The following ADAMTSL1 variants were observed in gnomAD, a reference collection of about 807,000 sequenced individuals.
ADAMTSL1 encodes the protein ADAMTS-like protein 1.
Under a neutral mutation model 201.8 loss-of-function variants are expected in ADAMTSL1, and 126 were observed. The observed-to-expected ratio is 0.62, with a 90% CI of 0.54 to 0.72. ADAMTSL1 has a LOEUF of 0.72. Among genes scored for constraint, ADAMTSL1 ranks in the 30% least tolerant of loss-of-function variants. ADAMTSL1 has a pLI of 0.00. For missense variants in ADAMTSL1, 2,679 were observed against 2,277.8 expected, an observed-to-expected ratio of 1.18 and a Z score of -3.59; for synonymous variants, 1,121 against 903.4, an observed-to-expected ratio of 1.24 and a Z score of -4.32.
chr9:18,108,278 G>A (rs1311426141), intron 1 of ADAMTSL1, among the ~76,000 whole-genome samples: 2 of 147,046 alleles, frequency 1.4e-5, no homozygotes, highest in Admixed American at 1.4e-4. Context: ...ATGGCTCACA[G>A]CAGCCCCAAC....
At chr9:18,103,702 CAT>C (rs1564002258) in intron 1 of ADAMTSL1, among the ~76,000 whole-genome samples, 1 of 152,134 alleles carries the variant, frequency 6.6e-6, no homozygotes, top group Non-Finnish European at 1.5e-5. Flanking sequence ...TGTTGTATGT[CAT>C]ATGAGGAATT....
At chr9:17,946,055 T>A (rs1827457619) in intron 1 of ADAMTSL1, among the ~76,000 whole-genome samples, 1 of 111,824 alleles carries the variant, frequency 8.9e-6, no homozygotes, top group South Asian at 3.5e-4. Context: ...GCTCATGATG[T>A]GTATGTGTGT....
At chr9:18,016,477 G>T (rs565751315) in intron 1 of ADAMTSL1, among the ~76,000 whole-genome samples, 1 of 151,940 alleles carries the variant, frequency 6.6e-6, no homozygotes, top group African/African-American at 2.4e-5. Context: ...ACAGAACAGA[G>T]TCCTGTAAGT....
At chr9:18,610,519 A>G (rs1216686229) in intron 4 of ADAMTSL1, among the ~76,000 whole-genome samples, 1 of 152,212 alleles carries the variant, frequency 6.6e-6, no homozygotes, top group East Asian at 1.9e-4. Flanking sequence ...GCAGTAGAGA[A>G]CCAGGAAGGA....
In ADAMTSL1 at chr9:18,634,268, A is replaced by T. The variant is rs141418546; in HGVS notation, c.602-1675A>T. ...ATAATTATGTACACTGTTAAAAAAA[A>T]ATATGTCTGAACAGGCCAGGTGCAG... is the stretch of plus-strand genomic sequence containing the variant. On this transcript the variant is annotated intron_variant, in intron 5 of 28. Transcript: ENST00000380548. 1.9e-3 allele frequency among the ~76,000 whole-genome samples: 284 copies of T among 152,254 alleles called. 2 individuals are homozygous for T. Among genetic ancestry groups the T allele is most frequent in the East Asian group, 0.018 (93 of 5,174 alleles).
intron 20 of ADAMTSL1, among the ~76,000 whole-genome samples, chr9:18,815,272 C>T (rs1159279581): frequency 6.6e-6 from 1 of 151,884 alleles, no homozygotes; most frequent in Non-Finnish European, 1.5e-5. Context: ...TTTACTGCAG[C>T]ACTATTCACA....
intron 19 of ADAMTSL1, among the ~76,000 whole-genome samples, chr9:18,789,956 G>A (rs114565139): frequency 0.012 from 1,874 of 152,252 alleles, 31 homozygotes; most frequent in African/African-American, 0.037. Context: ...TTAGGAAAGC[G>A]TACCAGTCAG....
chr9:18,182,459 C>G (rs192210112), intron 2 of ADAMTSL1, among the ~76,000 whole-genome samples: 269 of 152,212 alleles, frequency 1.8e-3, no homozygotes, highest in African/African-American at 5.8e-3. Flanking sequence ...AAACTTTATT[C>G]TCTAGAATAT....
intron 1 of ADAMTSL1, among the ~76,000 whole-genome samples, chr9:18,159,326 A>G (rs1827288970): frequency 1.3e-5 from 2 of 152,010 alleles, no homozygotes; most frequent in Admixed American, 1.3e-4. Context: ...ATGAGACATG[A>G]GCTTGGCTAT....
chr9:18,407,995 A>G (rs1321947929), intron 2 of ADAMTSL1, among the ~76,000 whole-genome samples: 2 of 152,214 alleles, frequency 1.3e-5, no homozygotes, highest in East Asian at 3.8e-4. Context: ...ACATACATAT[A>G]CTACATATAT....
intron 3 of ADAMTSL1, among the ~76,000 whole-genome samples, chr9:18,552,838 C>G (rs1233623229): frequency 6.6e-6 from 1 of 151,556 alleles, no homozygotes; most frequent in Admixed American, 6.6e-5. Flanking sequence ...AAATATTCAC[C>G]TTTCATTTGA....
chr9:17,939,889 G>T (rs892670873), intron 1 of ADAMTSL1, among the ~76,000 whole-genome samples: 4 of 152,160 alleles, frequency 2.6e-5, no homozygotes, highest in African/African-American at 7.2e-5. Context: ...GGGAGCAAAA[G>T]AGTCAGTTAA....
At chr9:17,987,298 G>A (rs1047607058) in intron 1 of ADAMTSL1, among the ~76,000 whole-genome samples, 25 of 152,054 alleles carry the variant, frequency 1.6e-4, no homozygotes, top group Admixed American at 5.9e-4. Context: ...TAAGCACCAC[G>A]TTGTAATTAC....
At chr9:17,953,580 G>T (rs909052622) in intron 1 of ADAMTSL1, among the ~76,000 whole-genome samples, 18 of 152,126 alleles carry the variant, frequency 1.2e-4, no homozygotes, top group African/African-American at 4.3e-4. Flanking sequence ...ATCACTATGG[G>T]ACTGGTTTAA....
At chr9:18,179,943 G>A (rs996748961) in intron 2 of ADAMTSL1, among the ~76,000 whole-genome samples, 36 of 151,868 alleles carry the variant, frequency 2.4e-4, no homozygotes, top group Admixed American at 5.3e-4. Context: ...AAAGACCATC[G>A]AGACTAGGAA....
chr9:18,472,741 A>T (rs1821266619), upstream of ADAMTSL1, among the ~76,000 whole-genome samples: 1 of 152,208 alleles, frequency 6.6e-6, no homozygotes, highest in South Asian at 2.1e-4. Context: ...GAAAGGAAAG[A>T]ACATTAATTC....
chr9:18,605,076 G>C (rs572428022), intron 4 of ADAMTSL1, among the ~76,000 whole-genome samples: 1 of 152,248 alleles, frequency 6.6e-6, no homozygotes, highest in Admixed American at 6.5e-5. Context: ...CAAATGTTCG[G>C]CCATGGAACT....
Position 18,623,169 on chromosome 9 carries a change from A to T in ADAMTSL1, c.601+800A>T, listed in dbSNP as rs553427503. Among the ~76,000 whole-genome samples, 80 of 152,198 alleles carry T rather than the reference A, an allele frequency of 5.3e-4. 1 individual carries two copies. In the South Asian group the frequency reaches 8.7e-3, roughly 17 times the overall value. On this transcript the variant is annotated intron_variant, in intron 5 of 28. Transcript: ENST00000380548. ...CCTCAGCCCCCCAAAGTGAGGGATT[A>T]CAGGCATGAGCCACTGTGCCCAGCC...
chr9:17,989,474 A>G lies in ADAMTSL1; in HGVS notation c.87+82552A>G, dbSNP rs144522461. 5.7e-3 allele frequency among the ~76,000 whole-genome samples: 869 copies of G among 152,142 alleles called. 10 individuals are homozygous for G. The highest frequency in any genetic ancestry group is 0.02 in the African/African-American group (826 of 41,572). On this transcript the variant is annotated intron_variant, in intron 1 of 29. Coordinates refer to the ADAMTSL1 transcript ENST00000680146. Reference sequence around the variant, plus strand: ...TTAAAAAATCACTGCATTGATAAAAAAATCAATTAGAAAGTCACTGCACTT... The same window carrying G: ...TTAAAAAATCACTGCATTGATAAAAGAATCAATTAGAAAGTCACTGCACTT...
Sources: gnomAD v4.1 joint callset for allele counts (sites outside exome capture counted in the v4.1 genomes callset) on GRCh38, gnomAD v4.1.1 for gene constraint, MANE v1.5 for transcripts, NCBI Gene and HGNC (gene_info 2026-07-23, HGNC 2026-07-21) for gene names.